SCUBE3: variants seen among roughly 807,000 people sequenced by gnomAD.
SCUBE3 encodes the protein signal peptide, CUB domain and EGF like domain containing 3.
SCUBE3 carries 33 observed loss-of-function variants against 116.8 expected under a neutral mutation model. That is an observed-to-expected ratio of 0.28 (90% confidence interval 0.21 to 0.38). The LOEUF (loss-of-function observed/expected upper bound fraction) is 0.38. Among genes scored for constraint, SCUBE3 ranks in the 10% least tolerant of loss-of-function variants. The pLI, the probability that SCUBE3 is intolerant of heterozygous loss-of-function variation, is 1.00. For missense variants in SCUBE3, 1,007 were observed against 1,324.8 expected (o/e 0.76, Z 3.72); for synonymous variants, 418 against 496.9 (o/e 0.84, Z 2.11).
intron 21 of SCUBE3, among the ~76,000 whole-genome samples, chr6:35,247,303 T>TGG (rs1784382324): frequency 6.6e-6 from 1 of 151,864 alleles, no homozygotes; most frequent in Non-Finnish European, 1.5e-5. Flanking sequence ...CTGGGTGTGG[T>TGG]GGCGGGCGCC....
intron 6 of SCUBE3, among the ~76,000 whole-genome samples, chr6:35,237,655 G>C (rs560249783): frequency 6.6e-6 from 1 of 152,082 alleles, no homozygotes; most frequent in African/African-American, 2.4e-5. Context: ...CCTCACTGCT[G>C]TCCACCTTGT....
rs767056176 is a variant in SCUBE3 at position 35,245,988 on chromosome 6, G to A, written c.2644G>A (p.Glu882Lys). The change falls in exon 20 of 22, where the codon GAG becomes AAG. Residue 882 changes from glutamate (E) to lysine (K), a missense_variant. By Grantham distance (56) the Glu-to-Lys change is moderately conservative. Around this residue, in one of 5 missense-constraint regions of SCUBE3, gnomAD observed 118 missense variants for 196.6 expected, o/e 0.60. Transcript: ENST00000274938. The surrounding 1 kb of genome is among the most constrained non-coding windows in gnomAD (Gnocchi z 4.2). ...CACTTATGAGACCTGCCAGACCTAC[G>A]AGCGTCCCATTGCCTTCACTGCCCG... The part of the protein sequence containing the change: ...ITTYETCQTY[E>K]RPIAFTARSR... The A allele has an allele frequency of 8.1e-6, 13 of 1,614,100 alleles. No individual in the cohort carries two copies. Among genetic ancestry groups the A allele is most frequent in the Admixed American group, 3.3e-5 (2 of 60,018 alleles).
At chr6:35,225,407 T>C (rs1275613270) in intron 1 of SCUBE3, among the ~76,000 whole-genome samples, 6 of 152,250 alleles carry the variant, frequency 3.9e-5, no homozygotes, top group Non-Finnish European at 7.3e-5. Flanking sequence ...ACAGAGCACC[T>C]TACCATCTGC....
At chr6:35,215,976 C>T (rs1157959423) in intron 1 of SCUBE3, among the ~76,000 whole-genome samples, 1 of 152,218 alleles carries the variant, frequency 6.6e-6, no homozygotes, top group Non-Finnish European at 1.5e-5. Context: ...GTAGTGTGTG[C>T]TGACTTACTC....
rs1481000770 is a variant in SCUBE3 at position 35,249,962 on chromosome 6, C to G, written c.*1257C>G. 1.3e-5 allele frequency: 2 copies of G among 152,676 alleles called. No homozygotes were observed. Among genetic ancestry groups the G allele is most frequent in the African/African-American group, 4.8e-5 (2 of 41,460 alleles). The allele number at this position is 152,676 out of a possible 1,614,324, so 9.5% of individuals were successfully genotyped here. On this transcript the variant is annotated 3_prime_UTR_variant, in exon 22 of 22. Coordinates refer to ENST00000274938, the MANE Select transcript of SCUBE3 (RefSeq NM_152753.4). ...TTTTTTGTTTTTGTTTCTTCTTCCTCTATTAGCAAAACCCTATTTATAGCT... is the reference window on the plus strand; with the variant it reads ...TTTTTTGTTTTTGTTTCTTCTTCCTGTATTAGCAAAACCCTATTTATAGCT...
chr6:35,216,344 G>A (rs1017188812), intron 1 of SCUBE3, among the ~76,000 whole-genome samples: 10 of 151,790 alleles, frequency 6.6e-5, no homozygotes, highest in African/African-American at 2.4e-4. Flanking sequence ...AAGGAACTTA[G>A]AGTAGTTTTT....
rs1016747309 is a variant in SCUBE3 at position 35,242,745 on chromosome 6, A to T, written c.1658A>T (p.Glu553Val). ...PGKEVTRLTL[E>V]LEAEVRAEET... ...AAAGAGGTCACAAGGCTCACCCTGG[A>T]ACTGGAGGCAGAGGTCAGAGCCGAA... The change falls in exon 14 of 22, where the codon GAA (glutamate) becomes GTA (valine). Residue 553 changes from glutamate (E) to valine (V), a missense_variant. Around this residue, in one of 5 missense-constraint regions of SCUBE3, gnomAD observed 544 missense variants for 638.9 expected, o/e 0.85. Coordinates refer to ENST00000274938, the MANE Select transcript of SCUBE3 (RefSeq NM_152753.4). 4 of 1,613,940 alleles carry T rather than the reference A, an allele frequency of 2.5e-6. No individual in the cohort carries two copies. In the African/African-American group the frequency reaches 5.3e-5, roughly 22 times the overall value.
In SCUBE3 at chr6:35,243,796, C is replaced by A; in HGVS notation, c.2071+41C>A. On this transcript the variant is annotated intron_variant, in intron 16 of 21. Transcript: ENST00000274938. The surrounding 1 kb of genome is among the most constrained non-coding windows in gnomAD (Gnocchi z 6.6). ...ACAATACAGAGTGGGGTAGGGTGGGCACTGGGATGCCCATGGGCATGGGAT... is the reference window on the plus strand; with the variant it reads ...ACAATACAGAGTGGGGTAGGGTGGGAACTGGGATGCCCATGGGCATGGGAT... 6.3e-7 allele frequency: 1 copy of A among 1,593,920 alleles called. No homozygotes were observed.
In SCUBE3 at chr6:35,233,335, G is replaced by T; in HGVS notation, c.712+34G>T. 7.9e-7 allele frequency: 1 copy of T among 1,267,432 alleles called. No individual in the cohort carries two copies. Among genetic ancestry groups the T allele is most frequent in the Non-Finnish European group, 1.2e-6 (1 of 865,600 alleles). 78.5% of individuals were successfully genotyped at this position (1,267,432 alleles called of 1,614,324 possible). A position where few individuals can be genotyped will look rare whatever the true frequency, so the allele number is the denominator to read the frequency against. ...GGCCAGGGGAGAACTCAGTCCACCT[G>T]AGATGGGGTGGGGGTGGGACCCTTT... On this transcript the variant is annotated intron_variant, in intron 6 of 21. Transcript: ENST00000274938. The surrounding 1 kb of genome is among the most constrained non-coding windows in gnomAD (Gnocchi z 5.7).
Position 35,244,893 on chromosome 6 carries a change from C to A in SCUBE3, c.2401+82C>A. 4 of 1,370,172 alleles carry A rather than the reference C, an allele frequency of 2.9e-6. No individual in the cohort carries two copies. Among genetic ancestry groups the A allele is most frequent in the Non-Finnish European group, 3.1e-6 (3 of 970,690 alleles). 84.9% of individuals were successfully genotyped at this position (1,370,172 alleles called of 1,614,324 possible). On this transcript the variant is annotated intron_variant, in intron 18 of 21. Coordinates refer to ENST00000274938, the MANE Select transcript of SCUBE3 (RefSeq NM_152753.4). This position sits in a 1 kb window ranked among gnomAD's most constrained non-coding sequence, Gnocchi z 4.3. The stretch of plus-strand genomic sequence containing the variant: ...ATCTAAAGGAGGGGTGTGAAACCAA[C>A]AGGGAGCAGGGCTGGGGGGTGGAGG...
At chr6:35,242,478 A>T in intron 13 of SCUBE3, 144 bp from the exon 14 acceptor site, 1 of 906,250 alleles carries the variant, frequency 1.1e-6, no homozygotes, top group South Asian at 1.5e-5. Flanking sequence ...GTCCCAGAAT[A>T]TTCCCCTCCA....
Position 35,248,770 on chromosome 6 carries a change from C to A in SCUBE3, c.*65C>A. 7.4e-7 allele frequency: 1 copy of A among 1,349,258 alleles called. No homozygotes were observed. Among genetic ancestry groups the A allele is most frequent in the Non-Finnish European group, 1.0e-6 (1 of 966,910 alleles). 83.6% of individuals were successfully genotyped at this position (1,349,258 alleles called of 1,614,324 possible). ...ACTCCTTAGCCCTCAGAGCCGGCAGCCCCCTACCCTCAGACAAGGAACTCT... is the reference window on the plus strand; with the variant it reads ...ACTCCTTAGCCCTCAGAGCCGGCAGACCCCTACCCTCAGACAAGGAACTCT... On this transcript the variant is annotated 3_prime_UTR_variant, in exon 22 of 22. Coordinates refer to ENST00000274938, the MANE Select transcript of SCUBE3 (RefSeq NM_152753.4).
chr6:35,233,159 C>T lies in SCUBE3; in HGVS notation c.596-26C>T. On this transcript the variant is annotated intron_variant, in intron 5 of 21. Coordinates refer to ENST00000274938, the MANE Select transcript of SCUBE3 (RefSeq NM_152753.4). The surrounding 1 kb of genome is among the most constrained non-coding windows in gnomAD (Gnocchi z 5.7). ...GTGGATGCAGGGAGGAGCAAGCTGA[C>T]AGGGCCCTGTCCTCTCTGTGCACAG... is the stretch of plus-strand genomic sequence containing the variant. 6.4e-7 allele frequency: 1 copy of T among 1,568,714 alleles called. No homozygotes were observed. Among genetic ancestry groups the T allele is most frequent in the East Asian group, 2.2e-5 (1 of 44,624 alleles).
chr6:35,227,813 T>G, intron 2 of SCUBE3, 111 bp downstream of exon 2: 4 of 1,056,246 alleles, frequency 3.8e-6, no homozygotes, highest in Non-Finnish European at 4.2e-6. Flanking sequence ...ATTCCACTGG[T>G]CAAGTGGTGG....
Position 35,238,019 on chromosome 6 carries a change from G to A in SCUBE3, c.829+1G>A, listed in dbSNP as rs1252514699. ...CAGCCAGACAGGAAGACGTGCAAAG[G>A]TAAGGACTTTGAGAGGACAGAAGCA... On this transcript the variant is annotated splice_donor_variant, in intron 7 of 21. Coordinates refer to ENST00000274938, the MANE Select transcript of SCUBE3 (RefSeq NM_152753.4). LOFTEE classifies it high-confidence loss of function. 1.3e-6 allele frequency: 2 copies of A among 1,574,816 alleles called. No individual in the cohort carries two copies. Among genetic ancestry groups the A allele is most frequent in the African/African-American group, 1.3e-5 (1 of 74,210 alleles).
At position 35,243,669 on chromosome 6, in the gene SCUBE3, A is replaced by G. The variant is rs770384079; in HGVS notation, c.1985A>G (p.Glu662Gly). 1 of 1,613,996 alleles carries G rather than the reference A, an allele frequency of 6.2e-7. No individual in the cohort carries two copies. Among genetic ancestry groups the G allele is most frequent in the South Asian group, 1.1e-5 (1 of 91,072 alleles). ...CVPCPAGTFQ[E>G]REGQLSCDLC... Reference sequence around the variant, plus strand: ...CCATGCCCAGCGGGCACCTTCCAGGAGAGAGAAGGGCAGCTCTCCTGCGAC... The same window carrying G: ...CCATGCCCAGCGGGCACCTTCCAGGGGAGAGAAGGGCAGCTCTCCTGCGAC... Residue 662 changes from glutamate to glycine, a missense_variant, in exon 16 of 22, where the codon GAG becomes GGG. Physicochemically the swap from Glu to Gly is moderately conservative, Grantham distance 98. Around this residue, in one of 5 missense-constraint regions of SCUBE3, gnomAD observed 544 missense variants for 638.9 expected, o/e 0.85. Transcript: ENST00000274938. This position sits in a 1 kb window ranked among gnomAD's most constrained non-coding sequence, Gnocchi z 6.6.
rs1562044702 is a variant in SCUBE3 at position 35,226,479 on chromosome 6, C to CTTTTTTTTTTTTTT, written c.86-1101_86-1100insTTTTTTTTTTTTTT. Among the ~76,000 whole-genome samples, 60 of 52,160 alleles carry CTTTTTTTTTTTTTT rather than the reference C, an allele frequency of 1.2e-3. 1 individual carries two copies. The highest frequency in any genetic ancestry group is 2.6e-3 in the African/African-American group (47 of 18,312). The allele number at this position is 52,160 out of a possible 152,430, so 34.2% of individuals were successfully genotyped here. A position where few individuals can be genotyped will look rare whatever the true frequency, so the allele number is the denominator to read the frequency against. On this transcript the variant is annotated intron_variant, in intron 1 of 21. Coordinates refer to ENST00000274938, the MANE Select transcript of SCUBE3 (RefSeq NM_152753.4). The stretch of plus-strand genomic sequence containing the variant: ...TCAGAAGTTGGACTCTTTTCTATGT[C>CTTTTTTTTTTTTTT]CTTTTTTTTTTTTTTTTTTTTTTGA...
chr6:35,242,306 G>A lies in SCUBE3; in HGVS notation c.1520G>A (p.Arg507Lys). 6.2e-7 allele frequency: 1 copy of A among 1,611,816 alleles called. No homozygotes were observed. The highest frequency in any genetic ancestry group is 8.5e-7 in the Non-Finnish European group (1 of 1,177,970). The change falls in exon 13 of 22, where the codon AGA (arginine) becomes AAA (lysine). Residue 507 changes from arginine to lysine, a missense_variant. By Grantham distance (26) the Arg-to-Lys change is conservative. This residue lies in a region of SCUBE3 where 544 missense variants were observed against 638.9 expected (regional missense o/e 0.85). Transcript: ENST00000274938. ...AAAGGCAAAACAGAGGAGGCTGGCA[G>A]AATCACAGGGCCAGGTTTGGACTGG... ...RNKGKTEEAG[R>K]ITGPGGAPCS... is the part of the protein sequence containing the mutation.
chr6:35,220,750 C>G (rs1159546272), intron 1 of SCUBE3: 1 of 152,200 alleles, frequency 6.6e-6, no homozygotes, highest in East Asian at 1.9e-4. Context: ...GCAGGCTAAG[C>G]TTGAGTGAGA....
Sources: allele counts gnomAD v4.1 joint callset (sites outside exome capture counted in the v4.1 genomes callset), GRCh38; gene constraint gnomAD v4.1.1; regional missense constraint gnomAD v4.1.1; non-coding constraint Gnocchi (gnomAD v3.1); transcripts MANE v1.5; gene names NCBI Gene and HGNC (gene_info 2026-07-23, HGNC 2026-07-21).